The following GAB1 variants were observed in gnomAD, a reference collection of about 807,000 sequenced individuals.
GAB1 encodes GRB2 associated binding protein 1, also known as GRB2-associated-binding protein 1.
Under a neutral mutation model 66.5 loss-of-function variants are expected in GAB1, and 19 were observed. The observed-to-expected ratio is 0.29, with a 90% CI of 0.20 to 0.42. The LOEUF (loss-of-function observed/expected upper bound fraction) is 0.42, where lower values mean the gene tolerates loss of function less well. Ranked by LOEUF, GAB1 falls within the 10% of genes least tolerant of loss-of-function variation. The pLI, the probability that GAB1 is intolerant of heterozygous loss-of-function variation, is 1.00. For synonymous variants in GAB1, 294 were observed against 301.4 expected, an observed-to-expected ratio of 0.98 and a Z score of 0.25; for missense variants, 732 against 858.5, an observed-to-expected ratio of 0.85 and a Z score of 1.84.
chr4:143,345,682 G>A (rs937632417), intron 1 of GAB1, among the ~76,000 whole-genome samples: 7 of 152,222 alleles, frequency 4.6e-5, no homozygotes, highest in Admixed American at 3.3e-4. Context: ...CCTCCTGTCA[G>A]AAGAGGGGCA....
intron 2 of GAB1, among the ~76,000 whole-genome samples, chr4:143,417,837 T>C (rs1407066792): frequency 6.6e-6 from 1 of 152,188 alleles, no homozygotes; most frequent in African/African-American, 2.4e-5. Context: ...GAAATAAAGG[T>C]GAACTGTGGT....
At chr4:143,372,153 C>T (rs1379334565) in intron 1 of GAB1, among the ~76,000 whole-genome samples, 2 of 151,428 alleles carry the variant, frequency 1.3e-5, no homozygotes, top group Non-Finnish European at 2.9e-5. Flanking sequence ...GGTGAAACCC[C>T]ATCTCAGTTT....
chr4:143,358,339 G>A lies in GAB1; in HGVS notation c.72+21079G>A, dbSNP rs17017670. On this transcript the variant is annotated intron_variant, in intron 1 of 9. Transcript: ENST00000262994. ...CTGTTTAAAAGACAAATTTATAGGC[G>A]ATTGTAATCTTCATGAAGCAATGTG... 4.0e-3 allele frequency among the ~76,000 whole-genome samples: 602 copies of A among 152,250 alleles called. 3 individuals are homozygous for A. Among genetic ancestry groups the A allele is most frequent in the East Asian group, 0.022 (113 of 5,186 alleles).
chr4:143,388,622 C>T (rs1235404201), intron 1 of GAB1, among the ~76,000 whole-genome samples: 1 of 152,112 alleles, frequency 6.6e-6, no homozygotes, highest in Admixed American at 6.5e-5. Flanking sequence ...ACCATGTTGG[C>T]CAGGCTGGTC....
chr4:143,442,661 C>T (rs1734305100), intron 6 of GAB1, among the ~76,000 whole-genome samples: 1 of 152,008 alleles, frequency 6.6e-6, no homozygotes. Context: ...TATAATTATA[C>T]ATCCCTATGT....
chr4:143,403,739 T>TACAAGTAA (rs1246907540), intron 1 of GAB1, among the ~76,000 whole-genome samples: 1 of 152,254 alleles, frequency 6.6e-6, no homozygotes, highest in African/African-American at 2.4e-5. Context: ...ACCTTGTACT[T>TACAAGTAA]AGTCCTTCTC....
At position 143,473,269 on chromosome 4, in the gene GAB1, T is replaced by C. The variant is rs1736159382; in HGVS notation, c.*4080T>C. ...TTTGTAAAGGTCCCATTGTAGATCT[T>C]TTCTGCTACCAAATAAAACTTTTCA... On this transcript the variant is annotated 3_prime_UTR_variant, in exon 10 of 10. Transcript: ENST00000262994. The C allele has an allele frequency of 6.6e-6, 1 of 152,076 alleles. No homozygotes were observed. The highest frequency in any genetic ancestry group is 1.5e-5 in the Non-Finnish European group (1 of 67,986). 9.4% of individuals were successfully genotyped at this position (152,076 alleles called of 1,614,324 possible).
intron 1 of GAB1, among the ~76,000 whole-genome samples, chr4:143,374,301 T>C (rs1257954979): frequency 6.6e-6 from 1 of 151,952 alleles, no homozygotes; most frequent in Non-Finnish European, 1.5e-5. Flanking sequence ...TCACTGAGGG[T>C]TTGTATTGGT....
At chr4:143,462,241 T>C (rs1325681654) in intron 8 of GAB1, among the ~76,000 whole-genome samples, 1 of 152,212 alleles carries the variant, frequency 6.6e-6, no homozygotes, top group East Asian at 1.9e-4. Flanking sequence ...CTATTATTAT[T>C]ATTTAAGTTA....
chr4:143,379,353 G>A (rs137873247), intron 1 of GAB1, among the ~76,000 whole-genome samples: 434 of 152,250 alleles, frequency 2.9e-3, no homozygotes, highest in African/African-American at 9.4e-3. Flanking sequence ...TAGGTTAACT[G>A]ATTTGCAAGT....
At chr4:143,437,115 G>A (rs1300645617) in intron 3 of GAB1, among the ~76,000 whole-genome samples, 1 of 152,132 alleles carries the variant, frequency 6.6e-6, no homozygotes, top group African/African-American at 2.4e-5. Context: ...AGTGCCACAT[G>A]TTACTAAGAA....
At chr4:143,380,799 A>C (rs1212346826) in intron 1 of GAB1, 1 of 152,226 alleles carries the variant, frequency 6.6e-6, no homozygotes, top group Non-Finnish European at 1.5e-5. Flanking sequence ...GTTTATGTAC[A>C]CCAGAAAGAA....
At position 143,440,125 on chromosome 4, in the gene GAB1, T is replaced by C. The variant is rs1430017699; in HGVS notation, c.1328T>C (p.Leu443Pro). The change falls in exon 6 of 10, where the codon CTG becomes CCG. Residue 443 changes from leucine (L) to proline (P), a missense_variant. Leu to Pro is a moderately conservative substitution (Grantham distance 98). Coordinates refer to ENST00000262994, the MANE Select transcript of GAB1 (RefSeq NM_002039.4). ...GTGGGAAGTGTTTCAAGTGAAGAACTGGATGAAAATTACGTCCCAATGAAT... is the reference window on the plus strand; with the variant it reads ...GTGGGAAGTGTTTCAAGTGAAGAACCGGATGAAAATTACGTCCCAATGAAT... ...LTVGSVSSEE[L>P]DENYVPMNPN... The C allele has an allele frequency of 1.8e-5, 29 of 1,614,052 alleles. No homozygotes were observed. The highest frequency in any genetic ancestry group is 2.2e-5 in the East Asian group (1 of 44,896).
chr4:143,457,895 C>A (rs945294593), intron 6 of GAB1: 3 of 591,920 alleles, frequency 5.1e-6, no homozygotes, highest in Non-Finnish European at 8.7e-6. Context: ...AACTTTCCTG[C>A]ACATTATTTC....
At chr4:143,338,318 C>G (rs1489040091) in intron 1 of GAB1, among the ~76,000 whole-genome samples, 2 of 152,124 alleles carry the variant, frequency 1.3e-5, no homozygotes, top group Non-Finnish European at 2.9e-5. Flanking sequence ...TTTATGCCCC[C>G]TTAAATATAA....
At chr4:143,357,012 A>G (rs1729471351) in intron 1 of GAB1, among the ~76,000 whole-genome samples, 1 of 152,156 alleles carries the variant, frequency 6.6e-6, no homozygotes, top group Non-Finnish European at 1.5e-5. Context: ...ACCTTAGGAC[A>G]TGTCTCTGAA....
intron 6 of GAB1, among the ~76,000 whole-genome samples, chr4:143,451,273 C>G (rs970771345): frequency 2.0e-5 from 3 of 152,052 alleles, no homozygotes; most frequent in Non-Finnish European, 2.9e-5. Context: ...ACAACATGCC[C>G]AGGTCCTTTA....
intron 6 of GAB1, among the ~76,000 whole-genome samples, chr4:143,446,742 GT>G (rs1464430466): frequency 3.6e-4 from 54 of 152,066 alleles, no homozygotes; most frequent in Non-Finnish European, 4.9e-4. Flanking sequence ...CATTTTGTAA[GT>G]TGCCTGTTCA....
chr4:143,378,627 G>T (rs573110494), intron 1 of GAB1, among the ~76,000 whole-genome samples: 1 of 116,222 alleles, frequency 8.6e-6, no homozygotes, highest in Non-Finnish European at 1.7e-5. Context: ...AACTTCCAAA[G>T]TGTCTCTCTC....
Sources: gnomAD v4.1 joint callset for allele counts (sites outside exome capture counted in the v4.1 genomes callset) on GRCh38, gnomAD v4.1.1 for gene constraint, MANE v1.5 for transcripts, NCBI Gene and HGNC (gene_info 2026-07-23, HGNC 2026-07-21) for gene names.